The following MEGF8 variants were observed in gnomAD, a reference collection of about 807,000 sequenced individuals.
MEGF8 encodes multiple epidermal growth factor-like domains protein 8.
In MEGF8, 156 loss-of-function variants were observed where a neutral mutation model predicts 302.9. The ratio of observed to expected loss-of-function variants is 0.52; its 90% CI spans 0.45 to 0.59. The LOEUF is 0.59. Among genes scored for constraint, MEGF8 ranks in the 20% least tolerant of loss-of-function variants. The pLI is 0.00. For synonymous variants in MEGF8, 1,621 were observed against 1,660.5 expected (o/e 0.98, Z 0.58); for missense variants, 3,345 against 3,964.5 (o/e 0.84, Z 4.20).
Position 42,351,464 on chromosome 19 carries a change from G to T in MEGF8, c.2891G>T (p.Ser964Ile). 6.2e-7 allele frequency: 1 copy of T among 1,600,882 alleles called. No homozygotes were observed. ...TGTGAGGACTGCCTGGCCAACTCTA[G>T]CCAGTGCGCCTGGTGCCAGTCCACC... ...LTCEDCLANS[S>I]QCAWCQSTHT... is the part of the protein sequence containing the mutation. Residue 964 changes from serine to isoleucine, a missense_variant, in exon 17 of 42, where the codon AGC becomes ATC. Physicochemically the swap from Ser to Ile is moderately radical, Grantham distance 142. Transcript: ENST00000251268. The surrounding 1 kb of genome is among the most constrained non-coding windows in gnomAD (Gnocchi z 5.6).
rs1193688581 is a variant in MEGF8 at position 42,376,548 on chromosome 19, G to C, written c.8311G>C (p.Glu2771Gln). The change falls in exon 42 of 42, where the codon GAG becomes CAG. Residue 2771 changes from glutamate (E) to glutamine (Q), a missense_variant. Physicochemically the swap from Glu to Gln is conservative, Grantham distance 29 (BLOSUM62 2). Coordinates refer to ENST00000251268, the MANE Select transcript of MEGF8 (RefSeq NM_001271938.2). This position sits in a 1 kb window ranked among gnomAD's most constrained non-coding sequence, Gnocchi z 8.2. The stretch of plus-strand genomic sequence containing the variant: ...GCTGCGAGCTGGGCCCATCACTCTC[G>C]AGCCCACAGAAGATGGCATGGCTGG... ...AGLRAGPITL[E>Q]PTEDGMAGVA... The C allele has an allele frequency of 6.4e-7, 1 of 1,559,658 alleles. No individual in the cohort carries two copies. Among genetic ancestry groups the C allele is most frequent in the Non-Finnish European group, 8.7e-7 (1 of 1,154,696 alleles).
intron 8 of MEGF8, among the ~76,000 whole-genome samples, chr19:42,339,829 C>A (rs1027424800): frequency 6.6e-6 from 1 of 152,126 alleles, no homozygotes. Flanking sequence ...GACGCCATGG[C>A]GGGCAGATCA....
rs1321750809 is a variant in MEGF8, at chr19:42,368,124, C to T, written c.6274-331C>T. Among the ~76,000 whole-genome samples, 1 of 152,118 alleles carries T rather than the reference C, an allele frequency of 6.6e-6. No individual in the cohort carries two copies. Among genetic ancestry groups the T allele is most frequent in the Non-Finnish European group, 1.5e-5 (1 of 68,028 alleles). On this transcript the variant is annotated intron_variant, in intron 35 of 41. Transcript: ENST00000251268. The surrounding 1 kb of genome is among the most constrained non-coding windows in gnomAD (Gnocchi z 4.9). ...GTAGAGATGGTGTCTCACTGTGCTG[C>T]CCAGGCTGGTCTGGAACTCTTGGGC...
rs1188468644 is a variant in MEGF8, at chr19:42,377,288, G to A, written c.*513G>A. 6.5e-6 allele frequency: 1 copy of A among 154,080 alleles called. No homozygotes were observed. Among genetic ancestry groups the A allele is most frequent in the Admixed American group, 6.5e-5 (1 of 15,314 alleles). 9.5% of individuals were successfully genotyped at this position (154,080 alleles called of 1,614,324 possible). A position where few individuals can be genotyped will look rare whatever the true frequency, so the allele number is the denominator to read the frequency against. On this transcript the variant is annotated 3_prime_UTR_variant, in exon 42 of 42. Transcript: ENST00000251268. ...AGCAAAGGCAGAGGCCCTGGGGTGG[G>A]AGCAGGCTTGTTTTATTGGAAGGAC...
intron 3 of MEGF8, 63 bp from the exon 4 acceptor site, chr19:42,334,972 C>A: frequency 6.7e-7 from 1 of 1,501,068 alleles, no homozygotes; most frequent in Non-Finnish European, 8.9e-7. Flanking sequence ...TCTGTGTCTC[C>A]TTTGTCTCTC....
Position 42,357,541 on chromosome 19 carries a change from C to T in MEGF8, c.4968C>T (p.Thr1656=), listed in dbSNP as rs749410347. ...AGCTGCTGGAGTACCAGCTGGCAAC[C>T]GGCACCTGGGTGTCAGGAGCCCAGA... The part of the protein sequence containing the change: ...NQQLLEYQLA[T]GTWVSGAQSG... The change falls in exon 28 of 42, where the codon ACC becomes ACT. Residue 1656 remains threonine, a synonymous_variant. Coordinates refer to ENST00000251268, the MANE Select transcript of MEGF8 (RefSeq NM_001271938.2). This position sits in a 1 kb window ranked among gnomAD's most constrained non-coding sequence, Gnocchi z 5.2. The T allele has an allele frequency of 2.3e-5, 37 of 1,612,960 alleles. No individual in the cohort carries two copies. The highest frequency in any genetic ancestry group is 5.3e-5 in the African/African-American group (4 of 74,890).
rs530108644 is a variant in MEGF8, at chr19:42,370,134, C to T, written c.6835-55C>T. ...AACCTGCCCCTGTGCCCCCAACGCC[C>T]TCCTACCCCTGATGACTCTCCAGCC... On this transcript the variant is annotated intron_variant, in intron 38 of 41. Transcript: ENST00000251268. The T allele has an allele frequency of 2.1e-5, 32 of 1,553,478 alleles. No homozygotes were observed. In the African/African-American group the frequency reaches 3.8e-4, roughly 18 times the overall value.
At position 42,353,815 on chromosome 19, in the gene MEGF8, C is replaced by T; in HGVS notation, c.3802C>T (p.Leu1268Phe). 6.2e-7 allele frequency: 1 copy of T among 1,610,122 alleles called. No individual in the cohort carries two copies. Residue 1268 changes from leucine to phenylalanine, a missense_variant, in exon 22 of 42, where the codon CTC (leucine) becomes TTC (phenylalanine). By Grantham distance (22) the Leu-to-Phe change is conservative. Transcript: ENST00000251268. The surrounding 1 kb of genome is among the most constrained non-coding windows in gnomAD (Gnocchi z 6.1). ...CTTTCGGGAGTGTGGGGGTCGCGCC[C>T]TCCTCACCAACGTGTCCTCAGTGGC... ...SCFRECGGRA[L>F]LTNVSSVALG...
In MEGF8 at chr19:42,377,085, C is replaced by A. The variant is rs1277123392; in HGVS notation, c.*310C>A. ...CACATGCACACACCCCACACGCATA[C>A]ACACATGAACACATGCACATGTGCA... On this transcript the variant is annotated 3_prime_UTR_variant, in exon 42 of 42. Coordinates refer to ENST00000251268, the MANE Select transcript of MEGF8 (RefSeq NM_001271938.2). 5 of 346,494 alleles carry A rather than the reference C, an allele frequency of 1.4e-5. No homozygotes were observed. Among genetic ancestry groups the A allele is most frequent in the African/African-American group, 1.0e-4 (5 of 47,676 alleles). The allele number at this position is 346,494 out of a possible 1,614,324, so 21.5% of individuals were successfully genotyped here.
chr19:42,375,975 G>C lies in MEGF8; in HGVS notation c.7738G>C (p.Val2580Leu), dbSNP rs1196140982. The C allele has an allele frequency of 2.5e-6, 4 of 1,606,734 alleles. No homozygotes were observed. The highest frequency in any genetic ancestry group is 3.4e-6 in the Non-Finnish European group (4 of 1,177,728). The change falls in exon 42 of 42, where the codon GTG becomes CTG. Residue 2580 changes from valine (V) to leucine (L), a missense_variant. Val to Leu is a conservative substitution (Grantham distance 32). Transcript: ENST00000251268. The surrounding 1 kb of genome is among the most constrained non-coding windows in gnomAD (Gnocchi z 7.1). ...WPRGLITYVT[V>L]TEPSAVLVVR... ...GCGGGGCCTGATTACCTACGTGACG[G>C]TGACGGAGCCGTCGGCAGTGCTGGT...
In MEGF8 at chr19:42,356,266, C is replaced by T; in HGVS notation, c.4504-69C>T. The T allele has an allele frequency of 1.3e-6, 2 of 1,542,782 alleles. No homozygotes were observed. The highest frequency in any genetic ancestry group is 1.2e-5 in the South Asian group (1 of 82,192). On this transcript the variant is annotated intron_variant, in intron 25 of 41. Coordinates refer to ENST00000251268, the MANE Select transcript of MEGF8 (RefSeq NM_001271938.2). This position sits in a 1 kb window ranked among gnomAD's most constrained non-coding sequence, Gnocchi z 5.2. ...TCTCCCACCTCCATTCCTGGGACCA[C>T]CCCTACACCCAGGCCTGGCACTTTG...
intron 35 of MEGF8, among the ~76,000 whole-genome samples, chr19:42,367,523 C>T (rs749709413): frequency 3.1e-4 from 47 of 152,074 alleles, no homozygotes; most frequent in Non-Finnish European, 4.6e-4. Context: ...CTCCTGACCT[C>T]GTGATCCGCC....
Position 42,360,945 on chromosome 19 carries a change from A to T in MEGF8, c.5659A>T (p.Asn1887Tyr), listed in dbSNP as rs2039522719. ...CCTGCTGTCCTCACCTGAAGCTTGTAACCAGTCTGGGGCCTGCACCTGGTG... is the reference window on the plus strand; with the variant it reads ...CCTGCTGTCCTCACCTGAAGCTTGTTACCAGTCTGGGGCCTGCACCTGGTG... ...CRLLSSPEAC[N>Y]QSGACTWCHG... Residue 1887 changes from asparagine (N) to tyrosine (Y), a missense_variant, in exon 32 of 42, where the codon AAC (asparagine) becomes TAC (tyrosine). By Grantham distance (143) the Asn-to-Tyr change is moderately radical. Coordinates refer to ENST00000251268, the MANE Select transcript of MEGF8 (RefSeq NM_001271938.2). 4 of 1,604,952 alleles carry T rather than the reference A, an allele frequency of 2.5e-6. No homozygotes were observed. Among genetic ancestry groups the T allele is most frequent in the African/African-American group, 1.3e-5 (1 of 74,890 alleles).
chr19:42,356,228 G>T lies in MEGF8; in HGVS notation c.4503+35G>T. 1 of 1,514,432 alleles carries T rather than the reference G, an allele frequency of 6.6e-7. No homozygotes were observed. Among genetic ancestry groups the T allele is most frequent in the Non-Finnish European group, 8.9e-7 (1 of 1,126,184 alleles). 93.8% of individuals were successfully genotyped at this position (1,514,432 alleles called of 1,614,324 possible). ...GGGTACCCGCTGTCTAGGGATGGTT[G>T]CTCCCAGGTCGTTCTCCCACCTCCA... On this transcript the variant is annotated intron_variant, in intron 25 of 41. Transcript: ENST00000251268. The surrounding 1 kb of genome is among the most constrained non-coding windows in gnomAD (Gnocchi z 5.2).
intron 8 of MEGF8, among the ~76,000 whole-genome samples, chr19:42,337,728 G>A (rs1227391685): frequency 6.6e-6 from 1 of 151,798 alleles, no homozygotes; most frequent in African/African-American, 2.4e-5. Context: ...GGGTGGTCTC[G>A]ATTTCCTGAC....
At chr19:42,329,456 G>A (rs1449715705) in intron 1 of MEGF8, among the ~76,000 whole-genome samples, 3 of 152,106 alleles carry the variant, frequency 2.0e-5, no homozygotes, top group Admixed American at 1.3e-4. Flanking sequence ...GTAGATGTTG[G>A]GGTGAGGGAG....
At chr19:42,334,715 G>C (rs1045904830) in intron 3 of MEGF8, among the ~76,000 whole-genome samples, 1 of 152,276 alleles carries the variant, frequency 6.6e-6, no homozygotes, top group Non-Finnish European at 1.5e-5. Context: ...CCGTCTTTCT[G>C]TCTTTTCTCC....
In MEGF8 at chr19:42,354,203, A is replaced by AC. The variant is rs201278656; in HGVS notation, c.4011+186dup. Among the ~76,000 whole-genome samples the AC allele has an allele frequency of 0.012, 1,777 of 148,350 alleles. 40 individuals carry two copies. Among genetic ancestry groups the AC allele is most frequent in the African/African-American group, 0.041 (1,637 of 40,094 alleles). On this transcript the variant is annotated intron_variant, in intron 22 of 41. Coordinates refer to ENST00000251268, the MANE Select transcript of MEGF8 (RefSeq NM_001271938.2). The surrounding 1 kb of genome is among the most constrained non-coding windows in gnomAD (Gnocchi z 4.3). Reference sequence around the variant, plus strand: ...ACTTTGTTCCTAGGCCCACAGACAGACCCCCCCATTTCCCAGATAGCTTCC... The same window carrying AC: ...ACTTTGTTCCTAGGCCCACAGACAGACCCCCCCCATTTCCCAGATAGCTTCC...
At chr19:42,362,955 G>A (rs929374435) in intron 34 of MEGF8, 93 bp from the exon 35 acceptor site, 2 of 1,090,044 alleles carry the variant, frequency 1.8e-6, no homozygotes, top group Non-Finnish European at 2.7e-6. Flanking sequence ...TAAGGGAGGA[G>A]GGGCTGGGCC....
Sources: allele counts gnomAD v4.1 joint callset (sites outside exome capture counted in the v4.1 genomes callset), GRCh38; gene constraint gnomAD v4.1.1; non-coding constraint Gnocchi (gnomAD v3.1); transcripts MANE v1.5; gene names NCBI Gene and HGNC (gene_info 2026-07-23, HGNC 2026-07-21).